Variants in SV2C observed in about 807,000 individuals in gnomAD.
SV2C encodes the protein solute carrier family 22 member B3.
SV2C carries 49 observed loss-of-function variants against 79.7 expected under a neutral mutation model. The ratio of observed to expected loss-of-function variants is 0.61; its 90% CI spans 0.49 to 0.78. The LOEUF is 0.78. Among genes scored for constraint, SV2C ranks in the 30% least tolerant of loss-of-function variants. The pLI is 0.00. For synonymous variants in SV2C, 334 were observed against 333.2 expected (o/e 1.00, Z -0.03); for missense variants, 833 against 912.9 (o/e 0.91, Z 1.13).
At chr5:76,059,639 T>A in the SV2C span, among the ~76,000 whole-genome samples, 3 of 152,102 alleles carry the variant, frequency 2.0e-5, no homozygotes. Flanking sequence ...ACTTCCTCCA[T>A]TGAAGTCTCG....
intron 1 of SV2C, among the ~76,000 whole-genome samples, chr5:76,110,831 A>C (rs575550325): frequency 6.6e-6 from 1 of 152,326 alleles, no homozygotes; most frequent in Admixed American, 6.5e-5. Flanking sequence ...CAGTGGTGCA[A>C]AGAACATGAG....
chr5:76,283,262 A>G (rs141088773), intron 4 of SV2C, among the ~76,000 whole-genome samples: 2,357 of 152,192 alleles, frequency 0.015, 49 homozygotes, highest in Middle Eastern at 0.082. Flanking sequence ...GGTTGCAGTG[A>G]GCTGAGATTG....
At chr5:76,078,496 G>T (rs1184664322), upstream of SV2C, among the ~76,000 whole-genome samples, 1 of 152,170 alleles carries the variant, frequency 6.6e-6, no homozygotes, top group Non-Finnish European at 1.5e-5. Context: ...GGGGCTTCTT[G>T]TGTTCACTGA....
chr5:75,974,240 T>C, the SV2C span, among the ~76,000 whole-genome samples: 1 of 152,124 alleles, frequency 6.6e-6, no homozygotes, highest in Admixed American at 6.6e-5. Context: ...CCAAAAACTT[T>C]ATTTGCTAAT....
chr5:75,978,399 C>T, the SV2C span, among the ~76,000 whole-genome samples: 3 of 152,162 alleles, frequency 2.0e-5, no homozygotes, highest in African/African-American at 7.2e-5. Flanking sequence ...TAGACAATGT[C>T]AAATAGTCAC....
chr5:76,207,324 A>T (rs138352646), intron 3 of SV2C, among the ~76,000 whole-genome samples: 141 of 152,348 alleles, frequency 9.3e-4, no homozygotes, highest in Middle Eastern at 3.4e-3. Context: ...TTAATGAGGA[A>T]GTGAAAAGTC....
the SV2C span, among the ~76,000 whole-genome samples, chr5:75,869,376 C>T: frequency 2.8e-3 from 433 of 152,278 alleles, 9 homozygotes; most frequent in East Asian, 0.035. Flanking sequence ...GCAGTATTCC[C>T]GGTGGGCCTG....
chr5:76,336,608 G>A (rs1444892861), downstream of SV2C, among the ~76,000 whole-genome samples: 1 of 152,190 alleles, frequency 6.6e-6, no homozygotes, highest in East Asian at 1.9e-4. Context: ...GCACCACCGA[G>A]CACCAAGTGA....
intron 4 of SV2C, among the ~76,000 whole-genome samples, chr5:76,233,788 G>A: frequency 6.7e-6 from 1 of 148,380 alleles, no homozygotes; most frequent in Non-Finnish European, 1.5e-5. Flanking sequence ...CAGGGATGAA[G>A]CCCACTTGAT....
chr5:76,187,136 A>T (rs1030617700), intron 2 of SV2C, among the ~76,000 whole-genome samples: 3 of 152,204 alleles, frequency 2.0e-5, no homozygotes. Flanking sequence ...TAAGACTTTT[A>T]AAAAATTGCT....
chr5:76,212,473 T>C (rs983671328), intron 4 of SV2C, among the ~76,000 whole-genome samples: 1 of 152,028 alleles, frequency 6.6e-6, no homozygotes, highest in Non-Finnish European at 1.5e-5. Flanking sequence ...CTTTTTCTTT[T>C]TTTTTTTTTA....
At chr5:76,343,292 AG>A (rs1317057551) in intron 12 of SV2C, among the ~76,000 whole-genome samples, 1 of 152,232 alleles carries the variant, frequency 6.6e-6, no homozygotes, top group Non-Finnish European at 1.5e-5. Flanking sequence ...GAGTTAGAAA[AG>A]GTATTGACAA....
chr5:76,249,064 A>T (rs879649595), intron 4 of SV2C, among the ~76,000 whole-genome samples: 3 of 152,208 alleles, frequency 2.0e-5, no homozygotes, highest in Admixed American at 2.0e-4. Flanking sequence ...TCAGTTTTTT[A>T]AAAATATTTA....
Position 76,291,298 on chromosome 5 carries a change from G to A in SV2C, c.1215G>A (p.Arg405=), listed in dbSNP as rs1747553652. Residue 405 remains arginine, a synonymous_variant, in exon 7 of 13, where the codon AGG becomes AGA. Transcript: ENST00000502798. ...GTGACACAGGAACATGGTATAGGAG[G>A]TGTTTTGTTCGGATCCGCACCGAGC... ...IESDTGTWYR[R]CFVRIRTELY... 6.2e-7 allele frequency: 1 copy of A among 1,612,980 alleles called. No homozygotes were observed. The highest frequency in any genetic ancestry group is 2.2e-5 in the East Asian group (1 of 44,854).
At chr5:76,027,854 G>A in the SV2C span, among the ~76,000 whole-genome samples, 2 of 152,246 alleles carry the variant, frequency 1.3e-5, no homozygotes, top group East Asian at 3.9e-4. Flanking sequence ...GAATCATGAG[G>A]TTTTCCATTC....
At chr5:75,907,600 G>A in the SV2C span, among the ~76,000 whole-genome samples, 3 of 152,232 alleles carry the variant, frequency 2.0e-5, no homozygotes, top group South Asian at 6.2e-4. Flanking sequence ...AACATCATAA[G>A]GCATAAGTAA....
At chr5:76,167,449 T>C (rs1447068150) in intron 2 of SV2C, among the ~76,000 whole-genome samples, 1 of 152,210 alleles carries the variant, frequency 6.6e-6, no homozygotes, top group Non-Finnish European at 1.5e-5. Flanking sequence ...AGTTTCTGCA[T>C]TCATGTTATT....
Position 76,305,037 on chromosome 5 carries a change from C to T in SV2C, c.2000+3492C>T, listed in dbSNP as rs1748136804. ...GCAGAAGGTAAAGGGGGAGCAGGCA[C>T]ATCACATGTAAAGAGCAGGAGCAAG... On this transcript the variant is annotated intron_variant, in intron 12 of 12. Transcript: ENST00000502798. Among the ~76,000 whole-genome samples, 5 of 152,224 alleles carry T rather than the reference C, an allele frequency of 3.3e-5. 1 individual carries two copies. In the South Asian group the frequency reaches 1.0e-3, roughly 32 times the overall value.
chr5:75,878,367 T>A, the SV2C span, among the ~76,000 whole-genome samples: 1 of 152,176 alleles, frequency 6.6e-6, no homozygotes, highest in South Asian at 2.1e-4. Flanking sequence ...GGTTTAAACG[T>A]CTGTTTCTTT....
Sources: allele counts gnomAD v4.1 joint callset (sites outside exome capture counted in the v4.1 genomes callset), GRCh38; gene constraint gnomAD v4.1.1; transcripts MANE v1.5; gene names NCBI Gene and HGNC (gene_info 2026-07-23, HGNC 2026-07-21).